The following EVC2 variants were observed in gnomAD, a reference collection of about 807,000 sequenced individuals.
EVC2 encodes the protein EvC ciliary complex subunit 2.
Under a neutral mutation model 149.3 loss-of-function variants are expected in EVC2, and 148 were observed. The observed-to-expected ratio is 0.99, with a 90% CI of 0.87 to 1.14. EVC2 has a LOEUF of 1.14. Ranked by LOEUF, EVC2 falls within the 50% of genes most tolerant of loss-of-function variation. The pLI is 0.00. For missense variants in EVC2, 1,854 were observed against 1,627.3 expected, an observed-to-expected ratio of 1.14 and a Z score of -2.40; for synonymous variants, 776 against 649.9, an observed-to-expected ratio of 1.19 and a Z score of -2.95.
rs763002074 is a variant in EVC2, at chr4:5,614,900, C to G, written c.2829+522G>C. On this transcript the variant is annotated intron_variant, in intron 16 of 21. Transcript: ENST00000344408. The surrounding 1 kb of genome is among the most constrained non-coding windows in gnomAD (Gnocchi z 4.7). ...GGTGAGGCAGAAGAATCACTTGAAC[C>G]CAGGAGGCGGAGGTTGCAGTGAGCC... 6.6e-6 allele frequency among the ~76,000 whole-genome samples: 1 copy of G among 151,982 alleles called. No homozygotes were observed. The highest frequency in any genetic ancestry group is 1.5e-5 in the Non-Finnish European group (1 of 68,010).
intron 7 of EVC2, among the ~76,000 whole-genome samples, chr4:5,680,742 T>A (rs948055345): frequency 1.3e-5 from 2 of 152,246 alleles, no homozygotes; most frequent in Non-Finnish European, 2.9e-5. Flanking sequence ...CTTAGAATGC[T>A]TGGCACCCAG....
At chr4:5,568,840 T>G (rs1722475680) in intron 19 of EVC2, among the ~76,000 whole-genome samples, 200 bp from the exon 20 acceptor site, 1 of 152,158 alleles carries the variant, frequency 6.6e-6, no homozygotes, top group South Asian at 2.1e-4. Flanking sequence ...CCAGGACGCT[T>G]CTAAAGCCTC....
chr4:5,609,491 G>A (rs1714655544), intron 16 of EVC2, among the ~76,000 whole-genome samples: 1 of 152,234 alleles, frequency 6.6e-6, no homozygotes, highest in South Asian at 2.1e-4. Flanking sequence ...AAGATGGACT[G>A]TCATGAAAAG....
At position 5,679,603 on chromosome 4, in the gene EVC2, T is replaced by G. The variant is rs1229241591; in HGVS notation, c.870+1657A>C. ...CAGTAATAAGTTAATCTTGGCTTAC[T>G]GTAATTTTTTATTTTTTATTTTATT... On this transcript the variant is annotated intron_variant, in intron 7 of 21. Transcript: ENST00000344408. The surrounding 1 kb of genome is among the most constrained non-coding windows in gnomAD (Gnocchi z 5.1). 3.3e-5 allele frequency among the ~76,000 whole-genome samples: 5 copies of G among 152,308 alleles called. No homozygotes were observed. In the East Asian group the frequency reaches 9.7e-4, roughly 29 times the overall value.
intron 16 of EVC2, among the ~76,000 whole-genome samples, chr4:5,605,103 A>T (rs1714279661): frequency 6.6e-6 from 1 of 152,160 alleles, no homozygotes; most frequent in South Asian, 2.1e-4. Flanking sequence ...TTTCTTACAC[A>T]TATTTAATAA....
At chr4:5,529,960 T>G in the EVC2 span, among the ~76,000 whole-genome samples, 4 of 151,896 alleles carry the variant, frequency 2.6e-5, no homozygotes, top group African/African-American at 9.7e-5. This position sits in a 1 kb window ranked among gnomAD's most constrained non-coding sequence, Gnocchi z 4.5. Flanking sequence ...GGATTACAGG[T>G]GCCCACCACT....
At chr4:5,577,857 G>A (rs1723027804) in intron 17 of EVC2, among the ~76,000 whole-genome samples, 1 of 152,168 alleles carries the variant, frequency 6.6e-6, no homozygotes, top group African/African-American at 2.4e-5. Context: ...TTCCAGCAGT[G>A]TATGCTGTCA....
At chr4:5,626,580 C>T (rs940551068) in intron 12 of EVC2, among the ~76,000 whole-genome samples, 1 of 152,038 alleles carries the variant, frequency 6.6e-6, no homozygotes, top group Non-Finnish European at 1.5e-5. Flanking sequence ...GTGATCCACC[C>T]GCCTCGGCCT....
Position 5,562,749 on chromosome 4 carries a change from T to C in EVC2, c.*99A>G. ...GTCTGTGCCTTCTGCATGTGCAATT[T>C]ATATTTGCGAGTTGTGCATTATAAA... On this transcript the variant is annotated 3_prime_UTR_variant, in exon 22 of 22. Coordinates refer to ENST00000344408, the MANE Select transcript of EVC2 (RefSeq NM_147127.5). The surrounding 1 kb of genome is among the most constrained non-coding windows in gnomAD (Gnocchi z 4.3). The C allele has an allele frequency of 6.3e-7, 1 of 1,598,438 alleles. No individual in the cohort carries two copies. The highest frequency in any genetic ancestry group is 8.5e-7 in the Non-Finnish European group (1 of 1,178,774).
chr4:5,687,124 G>GC (rs1720771723), intron 5 of EVC2, among the ~76,000 whole-genome samples: 1 of 152,126 alleles, frequency 6.6e-6, no homozygotes, highest in African/African-American at 2.4e-5. Context: ...GGGCATGGTG[G>GC]CACACGCCTG....
At chr4:5,583,359 C>T (rs1373010866) in intron 17 of EVC2, among the ~76,000 whole-genome samples, 1 of 152,138 alleles carries the variant, frequency 6.6e-6, no homozygotes, top group African/African-American at 2.4e-5. Flanking sequence ...AGTTATCTAG[C>T]ATGATAAAAT....
rs1291917199 is a variant in EVC2 at position 5,543,146 on chromosome 4, C to T, written c.3486G>A (p.Trp1162Ter). ...AGGTAAGTTCTCATTTTTCAGACAT[C>T]CACTCAATTAACCCAATCTCTGGAG... The change falls in exon 22 of 23, where the codon TGG (tryptophan) becomes TGA (stop). Residue 1162 changes from tryptophan (W) to a stop codon, truncating the protein, a stop_gained and NMD_transcript_variant. Coordinates refer to the EVC2 transcript ENST00000475313. 2.3e-6 allele frequency: 3 copies of T among 1,289,810 alleles called. No homozygotes were observed. In the East Asian group the frequency reaches 1.7e-4, roughly 72 times the overall value. The allele number at this position is 1,289,810 out of a possible 1,614,324, so 79.9% of individuals were successfully genotyped here.
At position 5,622,530 on chromosome 4, in the gene EVC2, C is replaced by T. The variant is rs1329260550; in HGVS notation, c.2501+7G>A. The T allele has an allele frequency of 1.2e-6, 2 of 1,613,304 alleles. No homozygotes were observed. The highest frequency in any genetic ancestry group is 2.2e-5 in the South Asian group (2 of 90,806). ...GAGGGGTGATTACGACCCGCAAAGG[C>T]ACTCACATGAAGATCAGGTGCTCCC... On this transcript the variant is annotated splice_region_variant and intron_variant, in intron 14 of 21. Coordinates refer to ENST00000344408, the MANE Select transcript of EVC2 (RefSeq NM_147127.5). This position sits in a 1 kb window ranked among gnomAD's most constrained non-coding sequence, Gnocchi z 5.8.
chr4:5,594,630 G>T (rs900731099), intron 16 of EVC2, among the ~76,000 whole-genome samples: 2 of 152,126 alleles, frequency 1.3e-5, no homozygotes, highest in African/African-American at 4.8e-5. Context: ...GGAAAAAACA[G>T]AGCAGAAAAA....
chr4:5,534,807 G>C, the EVC2 span, among the ~76,000 whole-genome samples: 2 of 120,312 alleles, frequency 1.7e-5, no homozygotes, highest in Non-Finnish European at 3.2e-5. Flanking sequence ...ACTTAGCATA[G>C]CATCTGGTAG....
chr4:5,632,851 T>C (rs901643626), intron 10 of EVC2, among the ~76,000 whole-genome samples: 1 of 152,080 alleles, frequency 6.6e-6, no homozygotes, highest in Non-Finnish European at 1.5e-5. Flanking sequence ...TCACTCCACA[T>C]GGGTAGGCGG....
At chr4:5,672,086 A>G (rs891982203) in intron 7 of EVC2, among the ~76,000 whole-genome samples, 1 of 152,214 alleles carries the variant, frequency 6.6e-6, no homozygotes, top group Non-Finnish European at 1.5e-5. Context: ...ACAGGCAGGC[A>G]GATGCTGATG....
In EVC2 at chr4:5,637,348, G is replaced by A. The variant is rs561581141; in HGVS notation, c.1470+3166C>T. 7.9e-5 allele frequency among the ~76,000 whole-genome samples: 12 copies of A among 152,294 alleles called. No homozygotes were observed. In the South Asian group the frequency reaches 2.3e-3, roughly 29 times the overall value. On this transcript the variant is annotated intron_variant, in intron 10 of 21. Coordinates refer to ENST00000344408, the MANE Select transcript of EVC2 (RefSeq NM_147127.5). The surrounding 1 kb of genome is among the most constrained non-coding windows in gnomAD (Gnocchi z 4.4). ...TTGGGGGCATGCTGCTGGACATGAG[G>A]CTGACTGTCCTCGGGCAGGTGAACC... is the stretch of plus-strand genomic sequence containing the variant.
At chr4:5,653,371 C>T (rs1367565505) in intron 9 of EVC2, among the ~76,000 whole-genome samples, 1 of 152,218 alleles carries the variant, frequency 6.6e-6, no homozygotes, top group African/African-American at 2.4e-5. Flanking sequence ...GGTTGGCCAT[C>T]TATTAGGCGT....
Sources: allele counts gnomAD v4.1 joint callset (sites outside exome capture counted in the v4.1 genomes callset), GRCh38; gene constraint gnomAD v4.1.1; non-coding constraint Gnocchi (gnomAD v3.1); transcripts MANE v1.5; gene names NCBI Gene and HGNC (gene_info 2026-07-23, HGNC 2026-07-21).